CLMN: variants seen among roughly 807,000 people sequenced by gnomAD.
CLMN encodes the protein calmin (calponin-like, transmembrane).
CLMN carries 57 observed loss-of-function variants against 92.7 expected under a neutral mutation model. That is an observed-to-expected ratio of 0.61 (90% CI 0.50 to 0.77). CLMN has a LOEUF of 0.77. Among genes scored for constraint, CLMN ranks in the 30% least tolerant of loss-of-function variants. The pLI, the probability that CLMN is intolerant of heterozygous loss-of-function variation, is 0.00. For synonymous variants in CLMN, 466 were observed against 470.6 expected (o/e 0.99, Z 0.13); for missense variants, 1,158 against 1,237.5 (o/e 0.94, Z 0.96).
intron 8 of CLMN, among the ~76,000 whole-genome samples, chr14:95,207,310 G>A (rs1813752507): frequency 6.6e-6 from 1 of 151,886 alleles, no homozygotes; most frequent in Admixed American, 6.6e-5. Flanking sequence ...AAAGAAAATG[G>A]GGTCTCGCTT....
chr14:95,239,321 A>G (rs908665222), intron 1 of CLMN, among the ~76,000 whole-genome samples: 1 of 152,206 alleles, frequency 6.6e-6, no homozygotes, highest in African/African-American at 2.4e-5. Flanking sequence ...GAAGGAATGA[A>G]CGCAGGGAAG....
intron 12 of CLMN, chr14:95,193,478 C>G (rs1198496280): frequency 9.7e-7 from 1 of 1,035,712 alleles, no homozygotes; most frequent in Admixed American, 2.3e-5. Context: ...GGCCACACAG[C>G]CTCACAAGAC....
Position 95,203,868 on chromosome 14 carries a change from A to G in CLMN, c.1481T>C (p.Phe494Ser), listed in dbSNP as rs1372057152. Residue 494 changes from phenylalanine to serine, a missense_variant, in exon 9 of 13, where the codon TTT (phenylalanine) becomes TCT (serine). Phe to Ser is a radical substitution (Grantham distance 155, BLOSUM62 -2). Transcript: ENST00000298912. ...ATTATTGTTTGTGCCCTCCACCAAA[A>G]AAATGTCACCAGCGACCTTGTCAGA... The part of the protein sequence containing the change: ...SSSDKVAGDI[F>S]LVEGTNNNSQ... 1 of 1,614,200 alleles carries G rather than the reference A, an allele frequency of 6.2e-7. No individual in the cohort carries two copies. The highest frequency in any genetic ancestry group is 8.5e-7 in the Non-Finnish European group (1 of 1,180,030).
At chr14:95,251,682 A>G (rs934442836) in intron 1 of CLMN, among the ~76,000 whole-genome samples, 1 of 152,208 alleles carries the variant, frequency 6.6e-6, no homozygotes, top group Admixed American at 6.5e-5. Flanking sequence ...GATATTCTCA[A>G]TGTCTTAGAA....
intron 1 of CLMN, among the ~76,000 whole-genome samples, chr14:95,286,511 G>C (rs887812027): frequency 6.6e-6 from 1 of 152,136 alleles, no homozygotes; most frequent in Non-Finnish European, 1.5e-5. Flanking sequence ...TAATGTGTTG[G>C]GTCTTCTTTG....
chr14:95,218,434 A>G (rs903116458), intron 4 of CLMN, among the ~76,000 whole-genome samples: 1 of 152,166 alleles, frequency 6.6e-6, no homozygotes, highest in African/African-American at 2.4e-5. Context: ...GGGAGAGAGG[A>G]GAGGACAGGG....
At position 95,191,732 on chromosome 14, in the gene CLMN, C is replaced by T; in HGVS notation, c.2841G>A (p.Arg947=). The T allele has an allele frequency of 6.2e-7, 1 of 1,603,704 alleles. No homozygotes were observed. The highest frequency in any genetic ancestry group is 2.2e-5 in the East Asian group (1 of 44,596). The change falls in exon 13 of 13, where the codon AGG becomes AGA. Residue 947 remains arginine, a splice_region_variant and synonymous_variant. Coordinates refer to ENST00000298912, the MANE Select transcript of CLMN (RefSeq NM_024734.4). This position sits in a 1 kb window ranked among gnomAD's most constrained non-coding sequence, Gnocchi z 5.3. ...TGGCTTCTCCTGAGCTGTTGGCCTT[C>T]CTACAGAAGAAACACAGAGGAAACG... ...LDDRRNRILT[R]KANSSGEAMS...
intron 1 of CLMN, among the ~76,000 whole-genome samples, chr14:95,267,595 T>G (rs1899525934): frequency 6.6e-6 from 1 of 152,134 alleles, no homozygotes; most frequent in Non-Finnish European, 1.5e-5. Flanking sequence ...GAATGTAAAT[T>G]AACACAGCCA....
intron 1 of CLMN, among the ~76,000 whole-genome samples, chr14:95,284,751 C>A (rs1900274539): frequency 6.6e-6 from 1 of 152,112 alleles, no homozygotes; most frequent in African/African-American, 2.4e-5. Flanking sequence ...ATCTAGGAAG[C>A]AACTAGCTTG....
Position 95,210,813 on chromosome 14 carries a change from G to A in CLMN, c.675C>T (p.Ile225=), listed in dbSNP as rs761512325. The A allele has an allele frequency of 6.3e-7, 1 of 1,586,356 alleles. No homozygotes were observed. Among genetic ancestry groups the A allele is most frequent in the Non-Finnish European group, 8.5e-7 (1 of 1,170,724 alleles). The part of the protein sequence containing the change: ...WRSGLAFLAV[I]KAIDPSLVDM... ...CCACCAGGCTGGGGTCAATGGCCTT[G>A]ATCACCGCCAGGAAAGCCAGCCCAC... Residue 225 remains isoleucine, a synonymous_variant, in exon 7 of 13, where the codon ATC becomes ATT. Coordinates refer to ENST00000298912, the MANE Select transcript of CLMN (RefSeq NM_024734.4).
chr14:95,299,069 G>C (rs1460716816), intron 1 of CLMN, among the ~76,000 whole-genome samples: 1 of 152,094 alleles, frequency 6.6e-6, no homozygotes, highest in Non-Finnish European at 1.5e-5. Context: ...TGCCCTCTAT[G>C]TGTCTGACAT....
At chr14:95,306,671 T>G (rs1186744785) in intron 1 of CLMN, among the ~76,000 whole-genome samples, 1 of 152,136 alleles carries the variant, frequency 6.6e-6, no homozygotes, top group African/African-American at 2.4e-5. Context: ...CAGACGATAT[T>G]TAATTCCAAA....
chr14:95,275,819 T>C (rs973123359), intron 1 of CLMN, among the ~76,000 whole-genome samples: 3 of 152,128 alleles, frequency 2.0e-5, no homozygotes, highest in African/African-American at 4.8e-5. Flanking sequence ...CATGCCACCA[T>C]GCCTGGCTAA....
At position 95,221,713 on chromosome 14, in the gene CLMN, A is replaced by G. The variant is rs1246374014; in HGVS notation, c.302T>C (p.Leu101Pro). Residue 101 changes from leucine (L) to proline (P), a missense_variant, in exon 4 of 13, where the codon CTT becomes CCT. Coordinates refer to ENST00000298912, the MANE Select transcript of CLMN (RefSeq NM_024734.4). ...IFRLNNIAKA[L>P]KFLEDSNVKL... ...TACATTGCTATCTTCCAAAAACTTA[A>G]GTGCTTTCGCTATGTTGTTCAACCG... is the stretch of plus-strand genomic sequence containing the variant. The G allele has an allele frequency of 1.9e-6, 3 of 1,614,184 alleles. No homozygotes were observed.
intron 1 of CLMN, among the ~76,000 whole-genome samples, chr14:95,299,180 G>T (rs1192555931): frequency 6.6e-6 from 1 of 152,170 alleles, no homozygotes; most frequent in Non-Finnish European, 1.5e-5. Flanking sequence ...GACTCGGGCT[G>T]CCCAGGGTCC....
At position 95,188,119 on chromosome 14, in the gene CLMN, C is replaced by T. The variant is rs1256775483; in HGVS notation, c.*3445G>A. On this transcript the variant is annotated 3_prime_UTR_variant, in exon 13 of 13. Transcript: ENST00000298912. ...TGAGTCCAGGTGCCCACCTGGTGACCCTAGTGGAAAAGCTCACCAGTTGGC... is the reference window on the plus strand; with the variant it reads ...TGAGTCCAGGTGCCCACCTGGTGACTCTAGTGGAAAAGCTCACCAGTTGGC... 2 of 152,162 alleles carry T rather than the reference C, an allele frequency of 1.3e-5. No individual in the cohort carries two copies. The highest frequency in any genetic ancestry group is 2.9e-5 in the Non-Finnish European group (2 of 68,026). 9.4% of individuals were successfully genotyped at this position (152,162 alleles called of 1,614,324 possible).
intron 1 of CLMN, among the ~76,000 whole-genome samples, chr14:95,272,465 T>C (rs1166797773): frequency 6.6e-6 from 1 of 152,236 alleles, no homozygotes; most frequent in Non-Finnish European, 1.5e-5. Context: ...AGGCTTCTCC[T>C]GCACACCTAC....
intron 1 of CLMN, among the ~76,000 whole-genome samples, chr14:95,298,717 A>G (rs1268265951): frequency 6.6e-6 from 1 of 152,234 alleles, no homozygotes; most frequent in East Asian, 1.9e-4. Flanking sequence ...AAAGGAAGAC[A>G]GCAGGAGAGA....
At chr14:95,247,231 C>T (rs541560017) in intron 1 of CLMN, among the ~76,000 whole-genome samples, 1 of 152,218 alleles carries the variant, frequency 6.6e-6, no homozygotes, top group African/African-American at 2.4e-5. Context: ...TTTTCTGGCA[C>T]TGAGCCACTG....
Sources: allele counts gnomAD v4.1 joint callset (sites outside exome capture counted in the v4.1 genomes callset), GRCh38; gene constraint gnomAD v4.1.1; non-coding constraint Gnocchi (gnomAD v3.1); transcripts MANE v1.5; gene names NCBI Gene and HGNC (gene_info 2026-07-23, HGNC 2026-07-21).